The following KXD1 variants were observed in gnomAD, a reference collection of about 807,000 sequenced individuals.
KXD1 encodes the protein KxDL motif containing 1.
Under a neutral mutation model 12.1 loss-of-function variants are expected in KXD1, and 5 were observed. That is an observed-to-expected ratio of 0.41 (90% CI 0.22 to 0.87). The LOEUF (loss-of-function observed/expected upper bound fraction) is 0.87. KXD1 is among the 40% of genes least tolerant of loss of function. KXD1 has a pLI of 0.31. For missense variants in KXD1, 193 were observed against 244.9 expected (o/e 0.79, Z 1.41); for synonymous variants, 98 against 100.5 (o/e 0.98, Z 0.15).
intron 2 of KXD1, 100 bp from the exon 3 acceptor site, chr19:18,564,769 T>G: frequency 1.5e-6 from 2 of 1,346,856 alleles, no homozygotes; most frequent in South Asian, 1.3e-5. Context: ...ATGCAAAGGT[T>G]GTGAAGCAGG....
Position 18,568,603 on chromosome 19 carries a change from CAGATGACGAGG to C in KXD1, c.512_522del (p.Glu171GlyfsTer24). 6.2e-7 allele frequency: 1 copy of C among 1,612,338 alleles called. No homozygotes were observed. ...CCAGCCATCAACGGCCGCAGCCAGA[CAGATGACGAGG>C]AGATGACGGGCGAATAGCCCTGCTG... On this transcript the variant is annotated frameshift_variant, in exon 5 of 5. Coordinates refer to ENST00000222307, the MANE Select transcript of KXD1 (RefSeq NM_024069.4). LOFTEE classifies it high-confidence loss of function.
At chr19:18,558,099 G>A (rs1976993863) in intron 1 of KXD1, 185 bp downstream of exon 1, 1 of 152,706 alleles carries the variant, frequency 6.5e-6, no homozygotes, top group African/African-American at 2.4e-5. Flanking sequence ...TGGATACGCA[G>A]GCGGCGCTAC....
intron 1 of KXD1, 66 bp from the exon 2 acceptor site, chr19:18,561,970 G>A: frequency 9.4e-7 from 1 of 1,059,004 alleles, no homozygotes; most frequent in Non-Finnish European, 1.4e-6. Flanking sequence ...GGCGGTCCCG[G>A]CCTGGCCTCT....
At position 18,568,510 on chromosome 19, in the gene KXD1, G is replaced by T; in HGVS notation, c.410G>T (p.Ser137Ile). 4 of 1,614,058 alleles carry T rather than the reference G, an allele frequency of 2.5e-6. No individual in the cohort carries two copies. The highest frequency in any genetic ancestry group is 3.4e-6 in the Non-Finnish European group (4 of 1,179,992). The change falls in exon 5 of 5, where the codon AGC (serine) becomes ATC (isoleucine). Residue 137 changes from serine (S) to isoleucine (I), a missense_variant. Transcript: ENST00000222307. ...CAGAGCACGGGCTCATGTGACACCAGCCCCGACACCGTCTCGCCCTCCCTG... is the reference window on the plus strand; with the variant it reads ...CAGAGCACGGGCTCATGTGACACCATCCCCGACACCGTCTCGCCCTCCCTG... ...SEQSTGSCDT[S>I]PDTVSPSLSP...
intron 1 of KXD1, chr19:18,559,285 G>A (rs991564166): frequency 6.6e-6 from 1 of 152,082 alleles, no homozygotes. Flanking sequence ...ACCCGGTCCA[G>A]GTATCCTCTT....
At chr19:18,562,296 A>C in intron 2 of KXD1, 139 bp downstream of exon 2, 1 of 664,240 alleles carries the variant, frequency 1.5e-6, no homozygotes, top group Middle Eastern at 3.2e-4. Flanking sequence ...GCTCCAAAGT[A>C]AATTCCTTCC....
intron 3 of KXD1, among the ~76,000 whole-genome samples, chr19:18,565,453 C>T (rs1425502042): frequency 1.3e-5 from 2 of 152,084 alleles, no homozygotes; most frequent in African/African-American, 4.8e-5. Flanking sequence ...AGGATGGTCT[C>T]GATCTCCTGA....
At position 18,568,894 on chromosome 19, in the gene KXD1, G is replaced by T; in HGVS notation, c.*263G>T. The stretch of plus-strand genomic sequence containing the variant: ...CACGCCCATTCCAGCTGGAGTCGTG[G>T]GGCTGGGCACAGGGGAATTTTTCCA... On this transcript the variant is annotated 3_prime_UTR_variant, in exon 5 of 5. Coordinates refer to ENST00000222307, the MANE Select transcript of KXD1 (RefSeq NM_024069.4). The T allele has an allele frequency of 2.0e-6, 1 of 502,752 alleles. No homozygotes were observed. The highest frequency in any genetic ancestry group is 3.6e-6 in the Non-Finnish European group (1 of 279,836). 31.1% of individuals were successfully genotyped at this position (502,752 alleles called of 1,614,324 possible). A position where few individuals can be genotyped will look rare whatever the true frequency, so the allele number is the denominator to read the frequency against.
chr19:18,559,798 G>A (rs1974849321), intron 1 of KXD1: 1 of 152,198 alleles, frequency 6.6e-6, no homozygotes. Context: ...GTATGAGCTT[G>A]ATGCTTTGTT....
In KXD1 at chr19:18,569,093, G is replaced by C. The variant is rs942706270; in HGVS notation, c.*462G>C. On this transcript the variant is annotated 3_prime_UTR_variant, in exon 5 of 5. Coordinates refer to ENST00000222307, the MANE Select transcript of KXD1 (RefSeq NM_024069.4). ...TTCTGCTTTTCCTGCCCCTTGCTCCGTAAAAGTATCAAATACTTTCTCCTT... is the reference window on the plus strand; with the variant it reads ...TTCTGCTTTTCCTGCCCCTTGCTCCCTAAAAGTATCAAATACTTTCTCCTT... The C allele has an allele frequency of 6.0e-6, 1 of 167,846 alleles. No homozygotes were observed. Among genetic ancestry groups the C allele is most frequent in the Non-Finnish European group, 1.3e-5 (1 of 76,452 alleles). 10.4% of individuals were successfully genotyped at this position (167,846 alleles called of 1,614,324 possible).
chr19:18,565,080 C>T, intron 3 of KXD1, 59 bp downstream of exon 3: 1 of 1,582,978 alleles, frequency 6.3e-7, no homozygotes, highest in East Asian at 2.2e-5. Flanking sequence ...CCCATCTGAG[C>T]CTCAGTTTCC....
intron 1 of KXD1, among the ~76,000 whole-genome samples, chr19:18,561,056 G>A (rs750341894): frequency 1.3e-5 from 2 of 152,028 alleles, no homozygotes; most frequent in Non-Finnish European, 2.9e-5. Flanking sequence ...AAACGGGTTA[G>A]CTGATAACTA....
intron 1 of KXD1, chr19:18,560,373 CAG>C (rs1410650519): frequency 6.6e-6 from 1 of 152,108 alleles, no homozygotes; most frequent in Non-Finnish European, 1.5e-5. Flanking sequence ...GTGTGGGCCT[CAG>C]AGCCAAACTA....
chr19:18,558,813 G>A (rs561030671), intron 1 of KXD1: 1 of 152,192 alleles, frequency 6.6e-6, no homozygotes, highest in South Asian at 2.1e-4. Flanking sequence ...TCTTGGGAGA[G>A]GAAGTTGCGG....
intron 1 of KXD1, 170 bp from the exon 2 acceptor site, chr19:18,561,866 G>A: frequency 2.0e-6 from 1 of 503,806 alleles, no homozygotes; most frequent in Non-Finnish European, 3.5e-6. Flanking sequence ...AAATTCCTGG[G>A]GTGGCACACC....
At chr19:18,565,434 T>G (rs1402133957) in intron 3 of KXD1, among the ~76,000 whole-genome samples, 2 of 152,252 alleles carry the variant, frequency 1.3e-5, no homozygotes, top group Admixed American at 6.5e-5. Flanking sequence ...TTTCACCGTG[T>G]TAGTAGTCAG....
chr19:18,559,990 T>TTCCGTCCCTCCCTCCC (rs1555748902), intron 1 of KXD1: 1 of 122,952 alleles, frequency 8.1e-6, no homozygotes, highest in African/African-American at 3.4e-5. Context: ...CCTTCCTTCC[T>TTCCGTCCCTCCCTCCC]TCCCTCCCTC....
chr19:18,561,788 T>C, intron 1 of KXD1: 1 of 284,430 alleles, frequency 3.5e-6, no homozygotes, highest in South Asian at 6.2e-5. Flanking sequence ...AAGTGGGAGG[T>C]GATGGGATTC....
At chr19:18,563,220 T>C (rs1396841393) in intron 2 of KXD1, among the ~76,000 whole-genome samples, 1 of 152,152 alleles carries the variant, frequency 6.6e-6, no homozygotes, top group Non-Finnish European at 1.5e-5. Context: ...CAGCTTTGTT[T>C]TTGTGTCTCT....
Sources: gnomAD v4.1 joint callset for allele counts (sites outside exome capture counted in the v4.1 genomes callset) on GRCh38, gnomAD v4.1.1 for gene constraint, MANE v1.5 for transcripts, NCBI Gene and HGNC (gene_info 2026-07-23, HGNC 2026-07-21) for gene names.